Variants in UBE2Q2 observed in about 807,000 individuals in gnomAD.
UBE2Q2 encodes the protein ubiquitin conjugating enzyme E2 Q2, also known as ubiquitin-conjugating enzyme E2 Q2.
In UBE2Q2, 54 loss-of-function variants were observed where a neutral mutation model predicts 59.9. The observed-to-expected ratio is 0.90, with a 90% CI of 0.72 to 1.13. The LOEUF is 1.13. Ranked by LOEUF, UBE2Q2 falls within the 50% of genes most tolerant of loss-of-function variation. The probability of loss-of-function intolerance (pLI) is 0.00; values close to 1 mark genes in which losing one functional copy is unlikely to be tolerated. For missense variants in UBE2Q2, 433 were observed against 441.9 expected, an observed-to-expected ratio of 0.98 and a Z score of 0.18; for synonymous variants, 165 against 155.2, an observed-to-expected ratio of 1.06 and a Z score of -0.47.
chr15:75,889,059 G>A (rs1898949953), intron 9 of UBE2Q2, among the ~76,000 whole-genome samples: 1 of 152,166 alleles, frequency 6.6e-6, no homozygotes. Flanking sequence ...ATCTAAATGA[G>A]TACCTGGATC....
At position 75,867,213 on chromosome 15, in the gene UBE2Q2, C is replaced by G. The variant is rs189054119; in HGVS notation, c.388-1738C>G. On this transcript the variant is annotated intron_variant, in intron 3 of 12. Transcript: ENST00000267938. ...GATTTTGCTGCTGCATTGAGTTATACTAAAAACACTCTCTGTCTTTTCTGT... is the reference window on the plus strand; with the variant it reads ...GATTTTGCTGCTGCATTGAGTTATAGTAAAAACACTCTCTGTCTTTTCTGT... Among the ~76,000 whole-genome samples the G allele has an allele frequency of 1.1e-3, 169 of 152,292 alleles. 1 individual carries two copies. The highest frequency in any genetic ancestry group is 4.1e-3 in the African/African-American group (169 of 41,562).
chr15:75,863,453 CT>C (rs754022015), intron 3 of UBE2Q2, among the ~76,000 whole-genome samples: 325 of 144,090 alleles, frequency 2.3e-3, no homozygotes, highest in Admixed American at 2.6e-3. Flanking sequence ...GTTTGTTTTT[CT>C]TTTTTTTTTT....
chr15:75,856,055 C>G (rs988946971), intron 2 of UBE2Q2, among the ~76,000 whole-genome samples: 1 of 151,892 alleles, frequency 6.6e-6, no homozygotes, highest in African/African-American at 2.4e-5. Context: ...GGTGTAGTGG[C>G]ACACACTTGT....
In UBE2Q2 at chr15:75,858,776, C is replaced by T. The variant is rs78172205; in HGVS notation, c.283-1102C>T. Among the ~76,000 whole-genome samples the T allele has an allele frequency of 7.5e-3, 1,136 of 152,322 alleles. 9 individuals carry two copies. Among genetic ancestry groups the T allele is most frequent in the Admixed American group, 9.9e-3 (152 of 15,294 alleles). On this transcript the variant is annotated intron_variant, in intron 2 of 12. Transcript: ENST00000267938. ...CCTCATCTTCATTATGCACTTAGCA[C>T]GCAATAGAGTGTATTGGGTGGATAT...
chr15:75,844,004 C>A, intron 1 of UBE2Q2, 158 bp downstream of exon 1: 2 of 1,410,958 alleles, frequency 1.4e-6, no homozygotes, highest in Non-Finnish European at 1.8e-6. Context: ...CCAGGCCGGG[C>A]TGGGACTGCG....
chr15:75,874,748 G>A (rs1897983144), intron 5 of UBE2Q2, among the ~76,000 whole-genome samples: 1 of 152,152 alleles, frequency 6.6e-6, no homozygotes, highest in African/African-American at 2.4e-5. Context: ...AATGATGTGT[G>A]TATATATATA....
rs536839169 is a variant in UBE2Q2 at position 75,899,633 on chromosome 15, G to A, written c.*175G>A. 4.4e-6 allele frequency: 2 copies of A among 450,740 alleles called. No individual in the cohort carries two copies. Among genetic ancestry groups the A allele is most frequent in the Non-Finnish European group, 7.6e-6 (2 of 261,762 alleles). 27.9% of individuals were successfully genotyped at this position (450,740 alleles called of 1,614,324 possible). On this transcript the variant is annotated 3_prime_UTR_variant, in exon 13 of 13. Transcript: ENST00000267938. ...GTATAAGTTACAGCCTTTGCATTTT[G>A]CTCATTTTAGATATCTTGGACTGAG...
At chr15:75,864,596 A>G (rs1897361293) in intron 3 of UBE2Q2, among the ~76,000 whole-genome samples, 1 of 147,754 alleles carries the variant, frequency 6.8e-6, no homozygotes, top group Non-Finnish European at 1.5e-5. Context: ...AGTTTTAGTA[A>G]CTGTAGATTC....
In UBE2Q2 at chr15:75,879,102, G is replaced by C; in HGVS notation, c.739G>C (p.Asp247His). The C allele has an allele frequency of 6.4e-7, 1 of 1,565,356 alleles. No individual in the cohort carries two copies. The highest frequency in any genetic ancestry group is 8.6e-7 in the Non-Finnish European group (1 of 1,159,816). Residue 247 changes from aspartate to histidine, a missense_variant, in exon 8 of 13, where the codon GAC becomes CAC. Physicochemically the swap from Asp to His is moderately conservative, Grantham distance 81. Transcript: ENST00000267938. Reference protein sequence around the residue: ...YDWHVKLQKVDPDSPLHSDLQ... With the variant: ...YDWHVKLQKVHPDSPLHSDLQ... ...TTTTTGTTTTGTAATTCTTAGGGTT[G>C]ACCCTGATAGTCCTTTGCACAGTGA...
At chr15:75,890,065 A>T (rs335715) in intron 9 of UBE2Q2, among the ~76,000 whole-genome samples, 30,041 of 152,192 alleles carry the variant, frequency 0.2, 3,355 homozygotes, top group Admixed American at 0.29. Context: ...TCATGGCTGT[A>T]ACATGGTAGA....
At chr15:75,877,183 AGG>A (rs1567033619) in intron 6 of UBE2Q2, among the ~76,000 whole-genome samples, 1 of 148,716 alleles carries the variant, frequency 6.7e-6, no homozygotes, top group African/African-American at 2.5e-5. Context: ...AAAAAAAAAA[AGG>A]GTTATGACCG....
At position 75,879,233 on chromosome 15, in the gene UBE2Q2, G is replaced by A. The variant is rs11854335; in HGVS notation, c.825+45G>A. 1,254 of 1,167,972 alleles carry A rather than the reference G, an allele frequency of 1.1e-3. 15 individuals carry two copies. The African/African-American group carries it at 0.017, about 16-fold the overall frequency. 72.4% of individuals were successfully genotyped at this position (1,167,972 alleles called of 1,614,324 possible). ...ACCCCATATACTTCCAGTGGGGTGCGTATATTTGTACAAGTGCTTTGGAAA... is the reference window on the plus strand; with the variant it reads ...ACCCCATATACTTCCAGTGGGGTGCATATATTTGTACAAGTGCTTTGGAAA... On this transcript the variant is annotated intron_variant, in intron 8 of 12. Transcript: ENST00000267938.
At chr15:75,874,623 A>C (rs953533158) in intron 5 of UBE2Q2, among the ~76,000 whole-genome samples, 4 of 152,180 alleles carry the variant, frequency 2.6e-5, no homozygotes, top group Non-Finnish European at 4.4e-5. Flanking sequence ...GCAGGATGTG[A>C]AAAGAACACT....
At chr15:75,866,212 G>C (rs1473458558) in intron 3 of UBE2Q2, among the ~76,000 whole-genome samples, 1 of 150,706 alleles carries the variant, frequency 6.6e-6, no homozygotes. Context: ...TTGCTCTCTT[G>C]CCCAGGCTAG....
chr15:75,885,981 A>AT (rs1898740472), intron 9 of UBE2Q2, among the ~76,000 whole-genome samples: 1 of 148,618 alleles, frequency 6.7e-6, no homozygotes, highest in African/African-American at 2.5e-5. Flanking sequence ...AAAATAGTAA[A>AT]TTTTTAACCT....
chr15:75,896,717 C>G (rs1181287328), intron 11 of UBE2Q2, among the ~76,000 whole-genome samples: 4 of 152,080 alleles, frequency 2.6e-5, no homozygotes, highest in Admixed American at 1.3e-4. Flanking sequence ...ACTCTAGAAC[C>G]AGAAAGCTTT....
At chr15:75,851,537 A>G (rs536976397) in intron 1 of UBE2Q2, among the ~76,000 whole-genome samples, 30 of 152,168 alleles carry the variant, frequency 2.0e-4, no homozygotes, top group Non-Finnish European at 3.7e-4. Flanking sequence ...CAAAAATTCT[A>G]ATTTTTTGTT....
chr15:75,875,212 C>T (rs1001051618), intron 5 of UBE2Q2, among the ~76,000 whole-genome samples: 2 of 152,120 alleles, frequency 1.3e-5, no homozygotes, highest in African/African-American at 2.4e-5. Flanking sequence ...TCATAGCCAC[C>T]GTGTGAAATA....
chr15:75,858,655 A>T (rs1464129461), intron 2 of UBE2Q2, among the ~76,000 whole-genome samples: 1 of 152,088 alleles, frequency 6.6e-6, no homozygotes, highest in South Asian at 2.1e-4. Flanking sequence ...GTTGCTTGGT[A>T]TGACTCCACT....
Sources: gnomAD v4.1 joint callset for allele counts (sites outside exome capture counted in the v4.1 genomes callset) on GRCh38, gnomAD v4.1.1 for gene constraint, MANE v1.5 for transcripts, NCBI Gene and HGNC (gene_info 2026-07-23, HGNC 2026-07-21) for gene names.